RHBDF1: variants seen among roughly 807,000 people sequenced by gnomAD.
RHBDF1 encodes inactive rhomboid protein 1.
In RHBDF1, 80 loss-of-function variants were observed where a neutral mutation model predicts 98.6. The ratio of observed to expected loss-of-function variants is 0.81; its 90% CI spans 0.68 to 0.98. RHBDF1 has a LOEUF of 0.98. Among genes scored for constraint, RHBDF1 ranks in the 50% least tolerant of loss-of-function variants. The pLI is 0.00. For missense variants in RHBDF1, 1,116 were observed against 1,198.3 expected (o/e 0.93, Z 1.01); for synonymous variants, 512 against 486.8 (o/e 1.05, Z -0.68).
chr16:61,039 A>C, intron 11 of RHBDF1, 81 bp downstream of exon 11: 1 of 1,426,208 alleles, frequency 7.0e-7, no homozygotes, highest in African/African-American at 1.4e-5. Context: ...AGGGCGAAGG[A>C]TCACTCTGCC....
chr16:59,536 A>C (rs916903214), intron 14 of RHBDF1, 42 bp from the exon 15 acceptor site: 1 of 1,589,960 alleles, frequency 6.3e-7, no homozygotes, highest in East Asian at 2.2e-5. Context: ...TGCCTTGCAG[A>C]GGGGGATTGC....
Position 58,765 on chromosome 16 carries a change from G to T in RHBDF1, c.2149-6C>A, listed in dbSNP as rs749599352. 6.2e-7 allele frequency: 1 copy of T among 1,610,970 alleles called. No individual in the cohort carries two copies. The highest frequency in any genetic ancestry group is 1.1e-5 in the South Asian group (1 of 90,900). On this transcript the variant is annotated splice_region_variant and splice_polypyrimidine_tract_variant and intron_variant, in intron 17 of 17. Transcript: ENST00000262316. Reference sequence around the variant, plus strand: ...TGGGAGCCAGCAGGACCCACCTGGGGGATGGTTGGGGTAGCTGTAAGGCAG... The same window carrying T: ...TGGGAGCCAGCAGGACCCACCTGGGTGATGGTTGGGGTAGCTGTAAGGCAG...
At chr16:67,284 A>G (rs886132751) in intron 1 of RHBDF1, among the ~76,000 whole-genome samples, 6 of 152,174 alleles carry the variant, frequency 3.9e-5, no homozygotes, top group East Asian at 1.9e-4. Flanking sequence ...AAATGGACGA[A>G]TGCTCTTAGT....
In RHBDF1 at chr16:66,387, G is replaced by A. The variant is rs147832429; in HGVS notation, c.-24-1348C>T. On this transcript the variant is annotated intron_variant, in intron 1 of 17. Coordinates refer to ENST00000262316, the MANE Select transcript of RHBDF1 (RefSeq NM_022450.5). ...GGAAACACAGGCTTGCCTCGCTCAC[G>A]GTCATATATGGAGGGCAGCACAATT... is the stretch of plus-strand genomic sequence containing the variant. 2.0e-3 allele frequency among the ~76,000 whole-genome samples: 298 copies of A among 152,254 alleles called. 2 individuals carry two copies. Among genetic ancestry groups the A allele is most frequent in the Middle Eastern group, 6.8e-3 (2 of 292 alleles).
intron 13 of RHBDF1, 28 bp from the exon 14 acceptor site, chr16:59,854 T>G (rs1308232659): frequency 5.6e-6 from 9 of 1,613,716 alleles, no homozygotes; most frequent in Non-Finnish European, 7.6e-6. Flanking sequence ...ACGAGCTGAG[T>G]CAGGGCCTCC....
upstream of RHBDF1, among the ~76,000 whole-genome samples, chr16:74,406 G>C (rs369687813): frequency 1.3e-5 from 2 of 152,188 alleles, no homozygotes; most frequent in Non-Finnish European, 2.9e-5. Context: ...GACTCTGTCA[G>C]ACCCCACCTA....
rs369588339 is a variant in RHBDF1 at position 59,229 on chromosome 16, C to G, written c.1994+20G>C. 1 of 1,591,866 alleles carries G rather than the reference C, an allele frequency of 6.3e-7. No individual in the cohort carries two copies. Among genetic ancestry groups the G allele is most frequent in the Non-Finnish European group, 8.6e-7 (1 of 1,166,420 alleles). ...CCTGAGGGCCCTGAGACCCCCGACC[C>G]GGCCCACAGTGTCACTTGCCCGGCG... is the stretch of plus-strand genomic sequence containing the variant. On this transcript the variant is annotated intron_variant, in intron 16 of 17. Coordinates refer to ENST00000262316, the MANE Select transcript of RHBDF1 (RefSeq NM_022450.5).
chr16:61,391 G>A lies in RHBDF1; in HGVS notation c.1389C>T (p.Pro463=), dbSNP rs983641458. 5 of 1,609,588 alleles carry A rather than the reference G, an allele frequency of 3.1e-6. No homozygotes were observed. The highest frequency in any genetic ancestry group is 1.7e-5 in the Admixed American group (1 of 59,674). The change falls in exon 10 of 18, where the codon CCC becomes CCT. Residue 463 remains proline, a synonymous_variant. Transcript: ENST00000262316. The part of the protein sequence containing the change: ...YVQQENFWIG[P]SSEALIHLGA... ...CCCCCAGCCCCGTCCTCACCGAGCTGGGCCCGATCCAGAAGTTCTCCTGCT... is the reference window on the plus strand; with the variant it reads ...CCCCCAGCCCCGTCCTCACCGAGCTAGGCCCGATCCAGAAGTTCTCCTGCT...
At position 58,739 on chromosome 16, in the gene RHBDF1, C is replaced by A; in HGVS notation, c.2169G>T (p.Gln723His). Residue 723 changes from glutamine (Q) to histidine (H), a missense_variant, in exon 18 of 18, where the codon CAG (glutamine) becomes CAT (histidine). Coordinates refer to ENST00000262316, the MANE Select transcript of RHBDF1 (RefSeq NM_022450.5). ...YRAEVGPAGSQFGILACLFVE... is the reference protein window; with the variant it reads ...YRAEVGPAGSHFGILACLFVE... ...CGAAGAGGCAGGCCAGGATGCCGAA[C>A]TGGGAGCCAGCAGGACCCACCTGGG... 1 of 1,612,590 alleles carries A rather than the reference C, an allele frequency of 6.2e-7. No individual in the cohort carries two copies. Among genetic ancestry groups the A allele is most frequent in the Non-Finnish European group, 8.5e-7 (1 of 1,179,732 alleles).
At chr16:70,811 G>A (rs1897949549) in intron 1 of RHBDF1, among the ~76,000 whole-genome samples, 1 of 152,216 alleles carries the variant, frequency 6.6e-6, no homozygotes, top group Non-Finnish European at 1.5e-5. Context: ...CAGCCTTGTG[G>A]CTGTGGACGG....
At position 61,198 on chromosome 16, in the gene RHBDF1, G is replaced by T. The variant is rs1212521979; in HGVS notation, c.1479C>A (p.Arg493=). The T allele has an allele frequency of 1.6e-5, 25 of 1,543,808 alleles. No homozygotes were observed. The highest frequency in any genetic ancestry group is 2.2e-5 in the Non-Finnish European group (25 of 1,145,540). ...PQVHSFIRSA[R]EREKHSACCV... Reference sequence around the variant, plus strand: ...AGCAGGCGGAGTGCTTCTCGCGCTCGCGCGCCGAGCGAATGAAGCTGTGCA... The same window carrying T: ...AGCAGGCGGAGTGCTTCTCGCGCTCTCGCGCCGAGCGAATGAAGCTGTGCA... Residue 493 remains arginine, a synonymous_variant, in exon 11 of 18, where the codon CGC becomes CGA. Transcript: ENST00000262316.
At chr16:70,537 A>G (rs546052999) in intron 1 of RHBDF1, among the ~76,000 whole-genome samples, 1 of 152,362 alleles carries the variant, frequency 6.6e-6, no homozygotes, top group East Asian at 1.9e-4. Flanking sequence ...GTCAGAGCAG[A>G]AATGGCTTCG....
At chr16:65,138 C>T in intron 1 of RHBDF1, 99 bp from the exon 2 acceptor site, 2 of 1,282,932 alleles carry the variant, frequency 1.6e-6, no homozygotes, top group South Asian at 1.7e-5. Flanking sequence ...ATGAGCCCAA[C>T]CGTGGTGCTC....
At chr16:59,985 C>G in intron 13 of RHBDF1, 159 bp from the exon 14 acceptor site, 1 of 1,483,528 alleles carries the variant, frequency 6.7e-7, no homozygotes, top group Non-Finnish European at 8.9e-7. Flanking sequence ...CTCTATCAAA[C>G]TGGAATAATG....
At chr16:65,189 G>A (rs901628084) in intron 1 of RHBDF1, 150 bp from the exon 2 acceptor site, 81 of 810,442 alleles carry the variant, frequency 1.0e-4, no homozygotes, top group South Asian at 3.7e-4. Flanking sequence ...GCTCAGCACC[G>A]ACTTTCTCTG....
At chr16:73,695 A>G (rs773510857), upstream of RHBDF1, among the ~76,000 whole-genome samples, 2 of 152,126 alleles carry the variant, frequency 1.3e-5, no homozygotes, top group Non-Finnish European at 2.9e-5. Flanking sequence ...TGGGTCCCTA[A>G]GGACCCCTCT....
chr16:64,027 G>T, intron 3 of RHBDF1: 1 of 699,780 alleles, frequency 1.4e-6, no homozygotes, highest in Non-Finnish European at 2.6e-6. Context: ...TTGCCCGGTT[G>T]AGTGCTTCAT....
At chr16:66,152 G>C (rs557990612) in intron 1 of RHBDF1, among the ~76,000 whole-genome samples, 21 of 152,332 alleles carry the variant, frequency 1.4e-4, no homozygotes, top group African/African-American at 4.8e-4. Context: ...GACAGATAGT[G>C]GGGGGCTGGC....
chr16:61,328 C>A (rs752567658), intron 10 of RHBDF1, 47 bp from the exon 11 acceptor site: 25 of 1,543,438 alleles, frequency 1.6e-5, no homozygotes, highest in Non-Finnish European at 2.0e-5. Context: ...CCTCCTGCCC[C>A]CGCCGGGCAC....
Sources: gnomAD v4.1 joint callset for allele counts (sites outside exome capture counted in the v4.1 genomes callset) on GRCh38, gnomAD v4.1.1 for gene constraint, MANE v1.5 for transcripts, NCBI Gene and HGNC (gene_info 2026-07-23, HGNC 2026-07-21) for gene names.